Variants in DIMT1 observed in about 807,000 individuals in gnomAD.
DIMT1 encodes dimethyladenosine transferase.
In DIMT1, 36 loss-of-function variants were observed where a neutral mutation model predicts 43.2. The observed-to-expected ratio is 0.83, with a 90% CI of 0.64 to 1.10. DIMT1 has a LOEUF of 1.10. Ranked by LOEUF, DIMT1 falls within the 50% of genes least tolerant of loss-of-function variation. DIMT1 has a pLI of 0.00. For synonymous variants in DIMT1, 126 were observed against 130.3 expected (o/e 0.97, Z 0.22); for missense variants, 341 against 385.3 (o/e 0.88, Z 0.96).
Position 62,403,327 on chromosome 5 carries a change from C to T in DIMT1, c.99G>A (p.Gly33=), listed in dbSNP as rs751850541. The T allele has an allele frequency of 1.2e-6, 2 of 1,614,000 alleles. No homozygotes were observed. The highest frequency in any genetic ancestry group is 1.7e-6 in the Non-Finnish European group (2 of 1,179,906). ...GATTTTTCAAAATGTGCTGCCCAAT[C>T]CCCGTGTTGAACATGAGTCCTGTAA... ...KSAGGLMFNT[G]IGQHILKNPL... Residue 33 remains glycine, a synonymous_variant, in exon 2 of 12, where the codon GGG becomes GGA. Transcript: ENST00000199320.
At chr5:62,393,748 CT>C (rs371690239) in intron 8 of DIMT1, among the ~76,000 whole-genome samples, 138 of 144,878 alleles carry the variant, frequency 9.5e-4, no homozygotes, top group Admixed American at 9.0e-4. Context: ...TCCATTTTTT[CT>C]TTTTTTTTTT....
At position 62,402,045 on chromosome 5, in the gene DIMT1, C is replaced by A. The variant is rs1354687170; in HGVS notation, c.231G>T (p.Lys77Asn). 6 of 1,610,316 alleles carry A rather than the reference C, an allele frequency of 3.7e-6. No homozygotes were observed. Among genetic ancestry groups the A allele is most frequent in the Non-Finnish European group, 4.2e-6 (5 of 1,178,882 alleles). Residue 77 changes from lysine (K) to asparagine (N), a missense_variant, in exon 3 of 12, where the codon AAG (lysine) becomes AAT (asparagine). Transcript: ENST00000199320. ...TGNMTVKLLE[K>N]AKKVVACELD... Reference sequence around the variant, plus strand: ...TAAATCCCCTTTCTACCTTTTTTGCCTTTTCTAACAACTTTACAGTCATGT... The same window carrying A: ...TAAATCCCCTTTCTACCTTTTTTGCATTTTCTAACAACTTTACAGTCATGT...
chr5:62,403,213 T>C, intron 2 of DIMT1, 60 bp downstream of exon 2: 2 of 1,454,948 alleles, frequency 1.4e-6, no homozygotes, highest in Non-Finnish European at 1.9e-6. Context: ...TGCGCTTATG[T>C]ATTCATAGGA....
chr5:62,393,394 G>A (rs922402892), intron 8 of DIMT1, among the ~76,000 whole-genome samples: 1 of 152,066 alleles, frequency 6.6e-6, no homozygotes, highest in Admixed American at 6.6e-5. Flanking sequence ...AAAAGAAAGG[G>A]AAGGAAAAAC....
Position 62,398,696 on chromosome 5 carries a change from T to A in DIMT1, c.346A>T (p.Lys116Ter). 1 of 1,614,222 alleles carries A rather than the reference T, an allele frequency of 6.2e-7. No individual in the cohort carries two copies. The highest frequency in any genetic ancestry group is 8.5e-7 in the Non-Finnish European group (1 of 1,180,036). The stretch of plus-strand genomic sequence containing the variant: ...GTATCAAAGAATGGCAAATCTGTTT[T>A]CAGCACATCACCCACCAGTACTTGA... Reference protein sequence around the residue: ...KLQVLVGDVLKTDLPFFDTCV... With the variant: ...KLQVLVGDVL The change falls in exon 5 of 12, where the codon AAA becomes TAA. Residue 116 changes from lysine to a stop codon, truncating the protein, a stop_gained. Transcript: ENST00000199320. LOFTEE classifies it high-confidence loss of function.
At chr5:62,393,804 C>T (rs769739159) in intron 8 of DIMT1, 151 bp downstream of exon 8, 32 of 565,924 alleles carry the variant, frequency 5.7e-5, no homozygotes, top group Non-Finnish European at 8.6e-5. Context: ...CAAATTATTC[C>T]ATCTACTTCA....
At chr5:62,391,055 C>T (rs1449290366) in intron 10 of DIMT1, 73 bp from the exon 11 acceptor site, 1 of 1,243,226 alleles carries the variant, frequency 8.0e-7, no homozygotes, top group Non-Finnish European at 1.2e-6. Context: ...TTTTTTAGTT[C>T]AGTAAGTCAT....
intron 7 of DIMT1, 54 bp downstream of exon 7, chr5:62,394,430 G>A: frequency 6.3e-7 from 1 of 1,585,052 alleles, no homozygotes; most frequent in Non-Finnish European, 8.7e-7. Context: ...CAGCCTGGGT[G>A]ACAGAGTGAG....
At chr5:62,399,906 AAAAC>A (rs146632636) in intron 3 of DIMT1, among the ~76,000 whole-genome samples, 3,572 of 152,148 alleles carry the variant, frequency 0.023, 73 homozygotes, top group East Asian at 0.097. Context: ...CTCCATCTCA[AAAAC>A]AAACAAACAA....
Position 62,403,802 on chromosome 5 carries a change from G to C in DIMT1, c.-30C>G, listed in dbSNP as rs1443619480. ...GCAGAAAGCGGGCCCACAGGCCCGGGACGTCAAGGAGGACCAAAGAGGGCT... is the reference window on the plus strand; with the variant it reads ...GCAGAAAGCGGGCCCACAGGCCCGGCACGTCAAGGAGGACCAAAGAGGGCT... On this transcript the variant is annotated 5_prime_UTR_variant, in exon 1 of 12. Coordinates refer to ENST00000199320, the MANE Select transcript of DIMT1 (RefSeq NM_014473.4). The C allele has an allele frequency of 6.2e-7, 1 of 1,603,676 alleles. No individual in the cohort carries two copies. Among genetic ancestry groups the C allele is most frequent in the Non-Finnish European group, 8.5e-7 (1 of 1,175,490 alleles).
chr5:62,393,889 T>G (rs2272291), intron 8 of DIMT1, 66 bp downstream of exon 8: 3 of 1,406,342 alleles, frequency 2.1e-6, no homozygotes, highest in Non-Finnish European at 2.9e-6. Context: ...TCTGCTGTTA[T>G]AGGCACACAT....
intron 9 of DIMT1, among the ~76,000 whole-genome samples, chr5:62,392,533 A>G (rs951238948): frequency 6.6e-6 from 1 of 152,106 alleles, no homozygotes; most frequent in Non-Finnish European, 1.5e-5. Flanking sequence ...CAAGCCCTGT[A>G]AAACTGTGTC....
intron 6 of DIMT1, 67 bp downstream of exon 6, chr5:62,398,444 C>T (rs984353761): frequency 1.3e-6 from 2 of 1,522,478 alleles, no homozygotes; most frequent in African/African-American, 1.4e-5. Context: ...TCATTTTTGG[C>T]TATGTTCACC....
At chr5:62,398,221 A>C (rs998956862) in intron 6 of DIMT1, among the ~76,000 whole-genome samples, 2 of 152,200 alleles carry the variant, frequency 1.3e-5, no homozygotes, top group African/African-American at 4.8e-5. Flanking sequence ...ACCAGTTAGG[A>C]AACCACTGCA....
chr5:62,391,965 A>G (rs769860730), intron 10 of DIMT1: 1 of 1,538,172 alleles, frequency 6.5e-7, no homozygotes, highest in South Asian at 1.2e-5. Context: ...GAGTAATCAA[A>G]GTTGCTCATA....
At chr5:62,391,807 A>G in intron 10 of DIMT1, 1 of 1,413,372 alleles carries the variant, frequency 7.1e-7, no homozygotes, top group Non-Finnish European at 9.2e-7. Context: ...AAGAAACAAG[A>G]CGTGGTCACA....
At chr5:62,390,690 A>G (rs1177651405) in intron 11 of DIMT1, among the ~76,000 whole-genome samples, 186 bp downstream of exon 11, 1 of 152,158 alleles carries the variant, frequency 6.6e-6, no homozygotes, top group Non-Finnish European at 1.5e-5. Flanking sequence ...CTTAAAGAAA[A>G]TGTTCATTCT....
intron 10 of DIMT1, chr5:62,391,574 A>G: frequency 2.4e-6 from 1 of 409,886 alleles, no homozygotes; most frequent in Non-Finnish European, 3.4e-6. Context: ...ACATTAAACC[A>G]TATAGGTTCT....
At position 62,398,716 on chromosome 5, in the gene DIMT1, A is replaced by C; in HGVS notation, c.326T>G (p.Val109Gly). 6.2e-7 allele frequency: 1 copy of C among 1,614,220 alleles called. No homozygotes were observed. Among genetic ancestry groups the C allele is most frequent in the South Asian group, 1.1e-5 (1 of 91,090 alleles). Residue 109 changes from valine (V) to glycine (G), a missense_variant, in exon 5 of 12, where the codon GTA becomes GGA. Physicochemically the swap from Val to Gly is moderately radical, Grantham distance 109. Transcript: ENST00000199320. ...TGTTTTCAGCACATCACCCACCAGT[A>C]CTTGAAGTTTGCTGGCCACAGGCCT... is the stretch of plus-strand genomic sequence containing the variant. ...QGTPVASKLQ[V>G]LVGDVLKTDL...
Sources: gnomAD v4.1 joint callset for allele counts (sites outside exome capture counted in the v4.1 genomes callset) on GRCh38, gnomAD v4.1.1 for gene constraint, MANE v1.5 for transcripts, NCBI Gene and HGNC (gene_info 2026-07-23, HGNC 2026-07-21) for gene names.